Variants in CALCRL observed in about 807,000 individuals in gnomAD.
The protein encoded by CALCRL is calcitonin gene-related peptide type 1 receptor.
CALCRL carries 27 observed loss-of-function variants against 60.4 expected under a neutral mutation model. The ratio of observed to expected loss-of-function variants is 0.45; its 90% CI spans 0.33 to 0.62. CALCRL has a LOEUF of 0.62. CALCRL is among the 20% of genes least tolerant of loss of function. CALCRL has a pLI of 0.03. For synonymous variants in CALCRL, 190 were observed against 182.6 expected, an observed-to-expected ratio of 1.04 and a Z score of -0.33; for missense variants, 424 against 540.7, an observed-to-expected ratio of 0.78 and a Z score of 2.14.
intron 9 of CALCRL, 50 bp downstream of exon 9, chr2:187,363,326 C>T: frequency 1.3e-6 from 2 of 1,559,098 alleles, no homozygotes; most frequent in Non-Finnish European, 1.7e-6. Flanking sequence ...GCCATGTTCC[C>T]CCTTTCCCAT....
At chr2:187,444,469 A>T (rs1282135102) in intron 1 of CALCRL, among the ~76,000 whole-genome samples, 3 of 151,636 alleles carry the variant, frequency 2.0e-5, no homozygotes, top group African/African-American at 4.8e-5. Flanking sequence ...ACATTAAAAA[A>T]TAAAACTTGC....
intron 1 of CALCRL, among the ~76,000 whole-genome samples, chr2:187,388,459 T>A (rs1688296186): frequency 1.3e-5 from 2 of 152,086 alleles, no homozygotes; most frequent in African/African-American, 4.8e-5. Context: ...TAGACAATAC[T>A]CTTACATGCA....
intron 1 of CALCRL, among the ~76,000 whole-genome samples, chr2:187,396,029 TG>T (rs1243796180): frequency 6.8e-6 from 1 of 147,162 alleles, no homozygotes; most frequent in Non-Finnish European, 1.5e-5. Context: ...TGTTTGTTGT[TG>T]TTGTTGTTGT....
intron 1 of CALCRL, among the ~76,000 whole-genome samples, chr2:187,390,528 A>G (rs1288184191): frequency 6.6e-6 from 1 of 152,154 alleles, no homozygotes; most frequent in African/African-American, 2.4e-5. Context: ...ATCCAACATT[A>G]CCATTATTTT....
chr2:187,360,894 C>A (rs1470746028), intron 9 of CALCRL, 143 bp from the exon 10 acceptor site: 1 of 651,922 alleles, frequency 1.5e-6, no homozygotes, highest in Non-Finnish European at 2.3e-6. Context: ...TGTGGAATGC[C>A]AGTCTTCGTA....
intron 1 of CALCRL, among the ~76,000 whole-genome samples, chr2:187,407,525 T>A (rs1488504688): frequency 6.6e-6 from 1 of 152,126 alleles, no homozygotes; most frequent in Non-Finnish European, 1.5e-5. Flanking sequence ...AATGAATTAT[T>A]TCTTTTAATT....
Position 187,351,947 on chromosome 2 carries a change from A to T in CALCRL, c.1143T>A (p.Ser381=), listed in dbSNP as rs770319702. Residue 381 remains serine (S), a synonymous_variant, in exon 14 of 15, where the codon TCT becomes TCA. Transcript: ENST00000392370. ...ILMHFQGLLV[S]TIFCFFNGEV... is the part of the protein sequence containing the mutation. ...CTCCATTAAAGAAGCAGAAAATGGT[A>T]GAGACCAAAAGACCCTGTAAAAGAA... 6.3e-7 allele frequency: 1 copy of T among 1,593,286 alleles called. No homozygotes were observed. The highest frequency in any genetic ancestry group is 1.7e-5 in the Admixed American group (1 of 59,262).
rs149380301 is a variant in CALCRL, at chr2:187,432,433, A to C, written c.-293+15606T>G. Among the ~76,000 whole-genome samples the C allele has an allele frequency of 3.9e-4, 60 of 152,216 alleles. No homozygotes were observed. In the East Asian group the frequency reaches 0.011, roughly 28 times the overall value. Reference sequence around the variant, plus strand: ...GCTTATGGAGCATCAATTTTCTACTATACCCAACAATAATCAGATCTATTG... The same window carrying C: ...GCTTATGGAGCATCAATTTTCTACTCTACCCAACAATAATCAGATCTATTG... On this transcript the variant is annotated intron_variant, in intron 1 of 14. Coordinates refer to ENST00000392370, the MANE Select transcript of CALCRL (RefSeq NM_005795.6).
At chr2:187,379,154 A>G (rs1022175934) in intron 7 of CALCRL, 123 bp from the exon 8 acceptor site, 6 of 547,426 alleles carry the variant, frequency 1.1e-5, no homozygotes, top group Non-Finnish European at 1.6e-5. Flanking sequence ...GTGATCTGAT[A>G]GCCTTACAAT....
At chr2:187,374,991 G>T (rs1687687763) in intron 8 of CALCRL, among the ~76,000 whole-genome samples, 1 of 152,052 alleles carries the variant, frequency 6.6e-6, no homozygotes, top group African/African-American at 2.4e-5. Context: ...AAATTGAGTT[G>T]GCCGGGCGCG....
Position 187,385,538 on chromosome 2 carries a change from T to A in CALCRL, c.51+7A>T. The A allele has an allele frequency of 7.5e-7, 1 of 1,337,162 alleles. No individual in the cohort carries two copies. The highest frequency in any genetic ancestry group is 1.1e-6 in the Non-Finnish European group (1 of 942,238). The allele number at this position is 1,337,162 out of a possible 1,614,324, so 82.8% of individuals were successfully genotyped here. ...ACAGACATAATCATATATATTTTTA[T>A]GCTTACCATAAAAAAAGGCAAGAGA... On this transcript the variant is annotated splice_region_variant and intron_variant, in intron 4 of 14. Coordinates refer to ENST00000392370, the MANE Select transcript of CALCRL (RefSeq NM_005795.6).
intron 1 of CALCRL, among the ~76,000 whole-genome samples, chr2:187,433,178 T>A (rs1216002401): frequency 6.6e-6 from 1 of 152,096 alleles, no homozygotes. Flanking sequence ...ATTTACCAGG[T>A]TCAAAGTTGA....
intron 1 of CALCRL, among the ~76,000 whole-genome samples, chr2:187,395,438 A>G (rs1050949492): frequency 6.6e-6 from 1 of 152,096 alleles, no homozygotes; most frequent in African/African-American, 2.4e-5. Context: ...GCTTACATTA[A>G]TAAATGGCTT....
At chr2:187,350,703 GT>G (rs1358194212) in intron 14 of CALCRL, among the ~76,000 whole-genome samples, 1 of 151,632 alleles carries the variant, frequency 6.6e-6, no homozygotes, top group African/African-American at 2.4e-5. Context: ...CAAATAACAT[GT>G]TATAGTTTTT....
chr2:187,360,458 A>T, intron 10 of CALCRL, 140 bp downstream of exon 10: 1 of 697,194 alleles, frequency 1.4e-6, no homozygotes, highest in Non-Finnish European at 2.3e-6. Flanking sequence ...GTTGCAATTT[A>T]CAAGAATAAG....
intron 1 of CALCRL, among the ~76,000 whole-genome samples, chr2:187,417,939 A>C (rs1431180489): frequency 6.6e-6 from 1 of 152,190 alleles, no homozygotes; most frequent in African/African-American, 2.4e-5. Flanking sequence ...ACATTTACAA[A>C]GTGTCAAGTG....
chr2:187,424,816 T>C (rs1690047358), intron 1 of CALCRL, among the ~76,000 whole-genome samples: 1 of 151,930 alleles, frequency 6.6e-6, no homozygotes, highest in Non-Finnish European at 1.5e-5. Context: ...AGAAGAAATA[T>C]TTTGTCAAAA....
At position 187,351,759 on chromosome 2, in the gene CALCRL, T is replaced by G. The variant is rs540196609; in HGVS notation, c.1170+161A>C. Among the ~76,000 whole-genome samples, 4 of 151,944 alleles carry G rather than the reference T, an allele frequency of 2.6e-5. No individual in the cohort carries two copies. In the East Asian group the frequency reaches 7.8e-4, roughly 29 times the overall value. On this transcript the variant is annotated intron_variant, in intron 14 of 14. Coordinates refer to ENST00000392370, the MANE Select transcript of CALCRL (RefSeq NM_005795.6). The stretch of plus-strand genomic sequence containing the variant: ...TGACCTGAGCATTTGAGAAGGAGAG[T>G]TAAACCTATGGTAAGAGATTCTATG...
chr2:187,433,376 A>G (rs2105896503), intron 1 of CALCRL, among the ~76,000 whole-genome samples: 1 of 152,198 alleles, frequency 6.6e-6, no homozygotes, highest in East Asian at 1.9e-4. Context: ...AAATGTATTG[A>G]TGAGTTAATT....
Sources: gnomAD v4.1 joint callset for allele counts (sites outside exome capture counted in the v4.1 genomes callset) on GRCh38, gnomAD v4.1.1 for gene constraint, MANE v1.5 for transcripts, NCBI Gene and HGNC (gene_info 2026-07-23, HGNC 2026-07-21) for gene names.